Variants in PLK2 observed in about 807,000 individuals in gnomAD.
PLK2 encodes serine/threonine-protein kinase PLK2.
In PLK2, 25 loss-of-function variants were observed where a neutral mutation model predicts 78.1. The ratio of observed to expected loss-of-function variants is 0.32; its 90% CI spans 0.23 to 0.45. PLK2 has a LOEUF of 0.45. Ranked by LOEUF, PLK2 falls within the 20% of genes least tolerant of loss-of-function variation. The pLI, the probability that PLK2 is intolerant of heterozygous loss-of-function variation, is 1.00. For synonymous variants in PLK2, 332 were observed against 298.2 expected, an observed-to-expected ratio of 1.11 and a Z score of -1.17; for missense variants, 566 against 840.2, an observed-to-expected ratio of 0.67 and a Z score of 4.04.
At chr5:58,455,454 A>C in intron 11 of PLK2, 40 bp from the exon 12 acceptor site, 1 of 1,611,586 alleles carries the variant, frequency 6.2e-7, no homozygotes, top group East Asian at 2.2e-5. Context: ...GAGGAAAAAA[A>C]AATAGAAGCA....
rs1269146917 is a variant in PLK2 at position 58,457,165 on chromosome 5, AAGAT to A, written c.1008+12_1008+15del. 2 of 1,612,642 alleles carry A rather than the reference AAGAT, an allele frequency of 1.2e-6. No individual in the cohort carries two copies. The highest frequency in any genetic ancestry group is 4.5e-5 in the East Asian group (2 of 44,866). On this transcript the variant is annotated intron_variant, in intron 7 of 13. Transcript: ENST00000274289. ...ATCAATACCAGGTAATTAAAAAAAA[AAGAT>A]AGTGCACCAACCTGCAAAAAAAAGT... is the stretch of plus-strand genomic sequence containing the variant.
At position 58,455,169 on chromosome 5, in the gene PLK2, A is replaced by G. The variant is rs1743561892; in HGVS notation, c.1755+116T>C. ...CTCCACCTCCCGGAGATTCTGATTC[A>G]GTACACCAACGGTAGGTCAGGAGAA... On this transcript the variant is annotated intron_variant, in intron 12 of 13. Transcript: ENST00000274289. 8 of 1,285,380 alleles carry G rather than the reference A, an allele frequency of 6.2e-6. No individual in the cohort carries two copies. The Admixed American group carries it at 1.1e-4, about 18-fold the overall frequency. 79.6% of individuals were successfully genotyped at this position (1,285,380 alleles called of 1,614,324 possible). A position where few individuals can be genotyped will look rare whatever the true frequency, so the allele number is the denominator to read the frequency against.
chr5:58,454,842 C>T, intron 13 of PLK2, 68 bp from the exon 14 acceptor site: 1 of 1,464,582 alleles, frequency 6.8e-7, no homozygotes, highest in South Asian at 1.1e-5. Context: ...CAGTCAATCA[C>T]TAAACTGTCT....
chr5:58,458,898 T>A, intron 2 of PLK2, 57 bp from the exon 3 acceptor site: 2 of 1,300,342 alleles, frequency 1.5e-6, no homozygotes, highest in Admixed American at 1.7e-5. Context: ...GAAAAGCCAG[T>A]GATTACACAT....
At chr5:58,456,442 G>A (rs754959541) in intron 9 of PLK2, 50 bp downstream of exon 9, 2 of 1,072,418 alleles carry the variant, frequency 1.9e-6, no homozygotes, top group Non-Finnish European at 1.4e-6. Flanking sequence ...TTAATAAAGA[G>A]TGGAAATAAC....
In PLK2 at chr5:58,455,328, A is replaced by G; in HGVS notation, c.1712T>C (p.Val571Ala). The G allele has an allele frequency of 6.2e-7, 1 of 1,614,114 alleles. No homozygotes were observed. Among genetic ancestry groups the G allele is most frequent in the South Asian group, 1.1e-5 (1 of 91,088 alleles). The change falls in exon 12 of 14, where the codon GTG becomes GCG. Residue 571 changes from valine to alanine, a missense_variant. Val to Ala is a moderately conservative substitution (Grantham distance 64). Around this residue, in one of 5 missense-constraint regions of PLK2, gnomAD observed 130 missense variants for 196.4 expected, o/e 0.66. Transcript: ENST00000274289. Reference sequence around the variant, plus strand: ...CATGTAATGAGAAAAGTATTTCAGCACCGTCACTTGACTAATAAATTGCTC... The same window carrying G: ...CATGTAATGAGAAAAGTATTTCAGCGCCGTCACTTGACTAATAAATTGCTC... ...APEQFISQVT[V>A]LKYFSHYMEE...
At chr5:58,458,310 C>T in intron 4 of PLK2, 89 bp downstream of exon 4, 1 of 1,442,040 alleles carries the variant, frequency 6.9e-7, no homozygotes, top group Non-Finnish European at 9.7e-7. Context: ...GACACGAGAT[C>T]CCAATTAAGA....
intron 10 of PLK2, 85 bp downstream of exon 10, chr5:58,455,941 A>G: frequency 6.6e-7 from 1 of 1,504,732 alleles, no homozygotes. Flanking sequence ...AAATTAAGCT[A>G]CAAAGTAAAT....
intron 12 of PLK2, 57 bp from the exon 13 acceptor site, chr5:58,455,078 T>C (rs1743559491): frequency 1.7e-6 from 2 of 1,175,074 alleles, no homozygotes; most frequent in Admixed American, 1.9e-5. Context: ...GCATGCACTC[T>C]ATTATTATTC....
chr5:58,455,041 T>G lies in PLK2; in HGVS notation c.1756-20A>C. 1 of 1,401,560 alleles carries G rather than the reference T, an allele frequency of 7.1e-7. No homozygotes were observed. 86.8% of individuals were successfully genotyped at this position (1,401,560 alleles called of 1,614,324 possible). A position where few individuals can be genotyped will look rare whatever the true frequency, so the allele number is the denominator to read the frequency against. ...TCCACCCTGGAAGAGATTAGGAGAG[T>G]GAGTTAGTGCCTACAAAGATTTTGT... On this transcript the variant is annotated intron_variant, in intron 12 of 13. Coordinates refer to ENST00000274289, the MANE Select transcript of PLK2 (RefSeq NM_006622.4).
At position 58,455,550 on chromosome 5, in the gene PLK2, A is replaced by T. The variant is rs1321629355; in HGVS notation, c.1614T>A (p.Leu538=). The stretch of plus-strand genomic sequence containing the variant: ...ATTGATACACTTACTTTTTGTCTGG[A>T]AGGAGGCTCATGTGAGCACCATTGT... ...LFNNGAHMSL[L]PDKKTVHYYA... is the part of the protein sequence containing the mutation. Residue 538 remains leucine (L), a synonymous_variant, in exon 11 of 14, where the codon CTT becomes CTA. Coordinates refer to ENST00000274289, the MANE Select transcript of PLK2 (RefSeq NM_006622.4). The T allele has an allele frequency of 1.2e-6, 2 of 1,614,130 alleles. No homozygotes were observed. Among genetic ancestry groups the T allele is most frequent in the Non-Finnish European group, 1.7e-6 (2 of 1,179,998 alleles).
chr5:58,460,082 T>C lies in PLK2; in HGVS notation c.-123A>G, dbSNP rs1373837407. On this transcript the variant is annotated 5_prime_UTR_variant, in exon 1 of 14. Coordinates refer to ENST00000274289, the MANE Select transcript of PLK2 (RefSeq NM_006622.4). ...CTAGCACCCAACACCCCGGTCCACT[T>C]GTGCGAGTGAGAGCGCTCGGCGAAG... 5.9e-6 allele frequency: 7 copies of C among 1,192,590 alleles called. No individual in the cohort carries two copies. 73.9% of individuals were successfully genotyped at this position (1,192,590 alleles called of 1,614,324 possible).
intron 1 of PLK2, 92 bp downstream of exon 1, chr5:58,459,598 G>T: frequency 8.7e-7 from 1 of 1,148,892 alleles, no homozygotes; most frequent in South Asian, 1.6e-5. Flanking sequence ...ACCCGGAAGC[G>T]GCGGGCGAGG....
rs765893455 is a variant in PLK2, at chr5:58,458,385, C to T, written c.625+14G>A. 19 of 1,612,976 alleles carry T rather than the reference C, an allele frequency of 1.2e-5. 1 individual carries two copies. The highest frequency in any genetic ancestry group is 6.6e-5 in the South Asian group (6 of 91,026). The stretch of plus-strand genomic sequence containing the variant: ...CTCTAACACAAAACTCAGCTTTTGG[C>T]GTCAATGACTTACCTAGTTTGAGAT... On this transcript the variant is annotated intron_variant, in intron 4 of 13. Transcript: ENST00000274289.
chr5:58,458,092 G>A lies in PLK2; in HGVS notation c.705C>T (p.His235=), dbSNP rs1187836858. The A allele has an allele frequency of 1.2e-6, 2 of 1,609,256 alleles. No homozygotes were observed. The highest frequency in any genetic ancestry group is 1.7e-6 in the Non-Finnish European group (2 of 1,175,766). The change falls in exon 5 of 14, where the codon CAC becomes CAT. Residue 235 remains histidine (H), a synonymous_variant. Transcript: ENST00000274289. ...ATCTTTCTGACTCTTACCTCCTTCT[G>A]TGTTCCAAGGGTTCTAGCCTGGCTG... ...GLAARLEPLE[H]RRRTICGTPN...
rs1283794284 is a variant in PLK2, at chr5:58,459,871, G to A, written c.89C>T (p.Ser30Leu). 6.2e-7 allele frequency: 1 copy of A among 1,611,546 alleles called. No homozygotes were observed. ...QALGKGCGAD[S>L]KKKRPPQPPE... ...GGGCTGCGGCGGCCGCTTCTTCTTC[G>A]AGTCCGCTCCGCAACCCTTGCCCAG... Residue 30 changes from serine to leucine, a missense_variant, in exon 1 of 14, where the codon TCG becomes TTG. Around this residue, in one of 5 missense-constraint regions of PLK2, gnomAD observed 127 missense variants for 122.5 expected, o/e 1.04. Transcript: ENST00000274289.
At position 58,457,158 on chromosome 5, in the gene PLK2, A is replaced by G. The variant is rs1218792318; in HGVS notation, c.1008+23T>C. Reference sequence around the variant, plus strand: ...AACTGGGATCAATACCAGGTAATTAAAAAAAAAAGATAGTGCACCAACCTG... The same window carrying G: ...AACTGGGATCAATACCAGGTAATTAGAAAAAAAAGATAGTGCACCAACCTG... On this transcript the variant is annotated intron_variant, in intron 7 of 13. Coordinates refer to ENST00000274289, the MANE Select transcript of PLK2 (RefSeq NM_006622.4). 2.5e-6 allele frequency: 4 copies of G among 1,607,900 alleles called. No homozygotes were observed. The East Asian group carries it at 6.7e-5, about 27-fold the overall frequency.
At position 58,460,078 on chromosome 5, in the gene PLK2, C is replaced by T. The variant is rs1304494015; in HGVS notation, c.-119G>A. 1.6e-6 allele frequency: 2 copies of T among 1,235,822 alleles called. No individual in the cohort carries two copies. Among genetic ancestry groups the T allele is most frequent in the Non-Finnish European group, 1.1e-6 (1 of 903,774 alleles). The allele number at this position is 1,235,822 out of a possible 1,614,324, so 76.6% of individuals were successfully genotyped here. On this transcript the variant is annotated 5_prime_UTR_variant, in exon 1 of 14. Transcript: ENST00000274289. ...CCGACTAGCACCCAACACCCCGGTC[C>T]ACTTGTGCGAGTGAGAGCGCTCGGC...
chr5:58,456,229 T>A (rs938900208), intron 9 of PLK2, 74 bp from the exon 10 acceptor site: 5 of 1,427,482 alleles, frequency 3.5e-6, no homozygotes, highest in Non-Finnish European at 4.8e-6. Flanking sequence ...CAGATTAAGA[T>A]GAGAGTGAGG....
Sources: allele counts gnomAD v4.1 joint callset, GRCh38; gene constraint gnomAD v4.1.1; regional missense constraint gnomAD v4.1.1; transcripts MANE v1.5; gene names NCBI Gene and HGNC (gene_info 2026-07-23, HGNC 2026-07-21).